Variants in H1-0 observed in about 807,000 individuals in gnomAD.
The protein encoded by H1-0 is histone H1.0.
In H1-0, 5 loss-of-function variants were observed where a neutral mutation model predicts 8.8. The observed-to-expected ratio is 0.57, with a 90% CI of 0.30 to 1.19. The LOEUF (loss-of-function observed/expected upper bound fraction) is 1.19, where lower values mean the gene tolerates loss of function less well. H1-0 is among the 50% of genes most tolerant of loss of function. The pLI is 0.08. For synonymous variants in H1-0, 143 were observed against 101.4 expected, an observed-to-expected ratio of 1.41 and a Z score of -2.46; for missense variants, 231 against 242.0, an observed-to-expected ratio of 0.95 and a Z score of 0.30.
rs1202830963 is a variant in H1-0 at position 37,805,472 on chromosome 22, A to G, written c.-73A>G. Reference sequence around the variant, plus strand: ...GGGGCTCAGGAGCAGATCCCGAGGCAGGCTTTGCTCAGCCTCCGACGAGGG... The same window carrying G: ...GGGGCTCAGGAGCAGATCCCGAGGCGGGCTTTGCTCAGCCTCCGACGAGGG... On this transcript the variant is annotated 5_prime_UTR_variant, in exon 1 of 1. Coordinates refer to ENST00000340857, the MANE Select transcript of H1-0 (RefSeq NM_005318.4). 6 of 1,123,710 alleles carry G rather than the reference A, an allele frequency of 5.3e-6. No homozygotes were observed. Among genetic ancestry groups the G allele is most frequent in the Non-Finnish European group, 7.8e-6 (6 of 772,440 alleles). The allele number at this position is 1,123,710 out of a possible 1,614,324, so 69.6% of individuals were successfully genotyped here. A position where few individuals can be genotyped will look rare whatever the true frequency, so the allele number is the denominator to read the frequency against.
In H1-0 at chr22:37,805,910, G is replaced by A. The variant is rs537383969; in HGVS notation, c.366G>A (p.Lys122=). The change falls in exon 1 of 1, where the codon AAG becomes AAA. Residue 122 remains lysine (K), a synonymous_variant. Coordinates refer to ENST00000340857, the MANE Select transcript of H1-0 (RefSeq NM_005318.4). The part of the protein sequence containing the change: ...KEIKKVATPK[K]ASKPKKAASK... The stretch of plus-strand genomic sequence containing the variant: ...TCAAGAAGGTAGCCACGCCAAAGAA[G>A]GCATCCAAGCCCAAGAAGGCTGCCT... 1.3e-4 allele frequency: 213 copies of A among 1,614,036 alleles called. 1 individual carries two copies. The East Asian group carries it at 3.9e-3, about 29-fold the overall frequency.
Position 37,805,844 on chromosome 22 carries a change from A to T in H1-0, c.300A>T (p.Glu100Asp). 1 of 1,613,984 alleles carries T rather than the reference A, an allele frequency of 6.2e-7. No individual in the cohort carries two copies. Among genetic ancestry groups the T allele is most frequent in the Non-Finnish European group, 8.5e-7 (1 of 1,180,026 alleles). ...SGSFRLAKSD[E>D]PKKSVAFKKT... is the part of the protein sequence containing the mutation. ...CCTTCCGGCTAGCCAAGAGCGACGAACCCAAGAAGTCAGTGGCCTTCAAGA... is the reference window on the plus strand; with the variant it reads ...CCTTCCGGCTAGCCAAGAGCGACGATCCCAAGAAGTCAGTGGCCTTCAAGA... The change falls in exon 1 of 1, where the codon GAA (glutamate) becomes GAT (aspartate). Residue 100 changes from glutamate to aspartate, a missense_variant. Glu to Asp is a conservative substitution (Grantham distance 45, BLOSUM62 2). Coordinates refer to ENST00000340857, the MANE Select transcript of H1-0 (RefSeq NM_005318.4).
chr22:37,805,513 G>A lies in H1-0; in HGVS notation c.-32G>A, dbSNP rs754933444. 1 of 1,531,114 alleles carries A rather than the reference G, an allele frequency of 6.5e-7. No individual in the cohort carries two copies. The highest frequency in any genetic ancestry group is 2.3e-5 in the East Asian group (1 of 44,306). The allele number at this position is 1,531,114 out of a possible 1,614,324, so 94.8% of individuals were successfully genotyped here. A position where few individuals can be genotyped will look rare whatever the true frequency, so the allele number is the denominator to read the frequency against. ...CCGACGAGGGCTGGCCCTTTGGAAG[G>A]CGCCTTCAACAGCCGGACCAGACAG... On this transcript the variant is annotated 5_prime_UTR_variant, in exon 1 of 1. Coordinates refer to ENST00000340857, the MANE Select transcript of H1-0 (RefSeq NM_005318.4).
rs1920983881 is a variant in H1-0 at position 37,805,939 on chromosome 22, A to G, written c.395A>G (p.Lys132Arg). The part of the protein sequence containing the change: ...KASKPKKAAS[K>R]APTKKPKATP... ...TCCAAGCCCAAGAAGGCTGCCTCCA[A>G]AGCCCCAACCAAGAAACCCAAAGCC... The change falls in exon 1 of 1, where the codon AAA becomes AGA. Residue 132 changes from lysine (K) to arginine (R), a missense_variant. Physicochemically the swap from Lys to Arg is conservative, Grantham distance 26. Coordinates refer to ENST00000340857, the MANE Select transcript of H1-0 (RefSeq NM_005318.4). 3 of 1,614,066 alleles carry G rather than the reference A, an allele frequency of 1.9e-6. No homozygotes were observed.
In H1-0 at chr22:37,806,138, T is replaced by G; in HGVS notation, c.*9T>G. On this transcript the variant is annotated 3_prime_UTR_variant, in exon 1 of 1. Coordinates refer to ENST00000340857, the MANE Select transcript of H1-0 (RefSeq NM_005318.4). The stretch of plus-strand genomic sequence containing the variant: ...CCGGCAAGAAGAAGTGACAATGAAG[T>G]CTTTTCTTGCGGACACTCCCTCCTG... The G allele has an allele frequency of 6.3e-7, 1 of 1,589,826 alleles. No individual in the cohort carries two copies.
At position 37,805,650 on chromosome 22, in the gene H1-0, A is replaced by G. The variant is rs1920980160; in HGVS notation, c.106A>G (p.Ile36Val). ...GTATTCAGACATGATCGTGGCTGCC[A>G]TCCAGGCCGAGAAGAACCGCGCTGG... Reference protein sequence around the residue: ...PKYSDMIVAAIQAEKNRAGSS... With the variant: ...PKYSDMIVAAVQAEKNRAGSS... The change falls in exon 1 of 1, where the codon ATC (isoleucine) becomes GTC (valine). Residue 36 changes from isoleucine (I) to valine (V), a missense_variant. Physicochemically the swap from Ile to Val is conservative, Grantham distance 29. Coordinates refer to ENST00000340857, the MANE Select transcript of H1-0 (RefSeq NM_005318.4). The G allele has an allele frequency of 1.2e-6, 2 of 1,614,156 alleles. No homozygotes were observed. Among genetic ancestry groups the G allele is most frequent in the Admixed American group, 3.3e-5 (2 of 60,030 alleles).
rs1920982887 is a variant in H1-0 at position 37,805,896 on chromosome 22, G to T, written c.352G>T (p.Ala118Ser). The T allele has an allele frequency of 6.2e-7, 1 of 1,614,062 alleles. No homozygotes were observed. Among genetic ancestry groups the T allele is most frequent in the East Asian group, 2.2e-5 (1 of 44,882 alleles). ...GACCAAGAAGGAAATCAAGAAGGTA[G>T]CCACGCCAAAGAAGGCATCCAAGCC... ...KKTKKEIKKV[A>S]TPKKASKPKK... The change falls in exon 1 of 1, where the codon GCC becomes TCC. Residue 118 changes from alanine to serine, a missense_variant. By Grantham distance (99) the Ala-to-Ser change is moderately conservative. Coordinates refer to ENST00000340857, the MANE Select transcript of H1-0 (RefSeq NM_005318.4).
In H1-0 at chr22:37,805,414, C is replaced by T. The variant is rs1265343067; in HGVS notation, c.-131C>T. 15 of 641,446 alleles carry T rather than the reference C, an allele frequency of 2.3e-5. No homozygotes were observed. Among genetic ancestry groups the T allele is most frequent in the South Asian group, 2.2e-4 (11 of 50,410 alleles). The allele number at this position is 641,446 out of a possible 1,614,324, so 39.7% of individuals were successfully genotyped here. On this transcript the variant is annotated 5_prime_UTR_variant, in exon 1 of 1. Coordinates refer to ENST00000340857, the MANE Select transcript of H1-0 (RefSeq NM_005318.4). Reference sequence around the variant, plus strand: ...AGCAGCGACTCCTCGCTCGCATCCCCGGGAGCCGCACTCCAGACTGGCCCG... The same window carrying T: ...AGCAGCGACTCCTCGCTCGCATCCCTGGGAGCCGCACTCCAGACTGGCCCG...
rs1920987330 is a variant in H1-0, at chr22:37,806,034, A to G, written c.490A>G (p.Lys164Glu). Residue 164 changes from lysine (K) to glutamate (E), a missense_variant, in exon 1 of 1, where the codon AAA becomes GAA. By Grantham distance (56) the Lys-to-Glu change is moderately conservative. Transcript: ENST00000340857. ...GAAAGCCAAAAAACCCAAGACTGTC[A>G]AAGCCAAGCCGGTCAAGGCATCCAA... is the stretch of plus-strand genomic sequence containing the variant. ...PKKAKKPKTV[K>E]AKPVKASKPK... is the part of the protein sequence containing the mutation. 1.2e-6 allele frequency: 2 copies of G among 1,614,094 alleles called. No individual in the cohort carries two copies. The highest frequency in any genetic ancestry group is 1.7e-6 in the Non-Finnish European group (2 of 1,180,002).
chr22:37,806,060 G>C lies in H1-0; in HGVS notation c.516G>C (p.Lys172Asn). The change falls in exon 1 of 1, where the codon AAG becomes AAC. Residue 172 changes from lysine to asparagine, a missense_variant. Physicochemically the swap from Lys to Asn is moderately conservative, Grantham distance 94. Coordinates refer to ENST00000340857, the MANE Select transcript of H1-0 (RefSeq NM_005318.4). ...AAGCCAAGCCGGTCAAGGCATCCAA[G>C]CCCAAAAAGGCCAAACCAGTGAAAC... The part of the protein sequence containing the change: ...TVKAKPVKAS[K>N]PKKAKPVKPK... The C allele has an allele frequency of 6.2e-7, 1 of 1,614,130 alleles. No individual in the cohort carries two copies. Among genetic ancestry groups the C allele is most frequent in the Non-Finnish European group, 8.5e-7 (1 of 1,180,024 alleles).
At position 37,805,353 on chromosome 22, in the gene H1-0, C is replaced by G; in HGVS notation, c.-192C>G. 1.8e-6 allele frequency: 1 copy of G among 551,256 alleles called. No individual in the cohort carries two copies. Among genetic ancestry groups the G allele is most frequent in the Non-Finnish European group, 3.2e-6 (1 of 312,664 alleles). 34.1% of individuals were successfully genotyped at this position (551,256 alleles called of 1,614,324 possible). A position where few individuals can be genotyped will look rare whatever the true frequency, so the allele number is the denominator to read the frequency against. The stretch of plus-strand genomic sequence containing the variant: ...GGGGCTGGGCCTCGCAAAGCCGGCT[C>G]GGCGAGCTCTCCCGACACCCGAGCC... On this transcript the variant is annotated 5_prime_UTR_variant, in exon 1 of 1. Coordinates refer to ENST00000340857, the MANE Select transcript of H1-0 (RefSeq NM_005318.4).
chr22:37,805,522 A>G lies in H1-0; in HGVS notation c.-23A>G, dbSNP rs1367711812. 1 of 1,582,086 alleles carries G rather than the reference A, an allele frequency of 6.3e-7. No individual in the cohort carries two copies. The highest frequency in any genetic ancestry group is 8.6e-7 in the Non-Finnish European group (1 of 1,160,740). On this transcript the variant is annotated 5_prime_UTR_variant, in exon 1 of 1. Coordinates refer to ENST00000340857, the MANE Select transcript of H1-0 (RefSeq NM_005318.4). ...GCTGGCCCTTTGGAAGGCGCCTTCA[A>G]CAGCCGGACCAGACAGGCCACCATG...
In H1-0 at chr22:37,806,045, G is replaced by A. The variant is rs558616379; in HGVS notation, c.501G>A (p.Pro167=). The change falls in exon 1 of 1, where the codon CCG becomes CCA. Residue 167 remains proline (P), a synonymous_variant. Transcript: ENST00000340857. ...AACCCAAGACTGTCAAAGCCAAGCC[G>A]GTCAAGGCATCCAAGCCCAAAAAGG... is the stretch of plus-strand genomic sequence containing the variant. ...AKKPKTVKAK[P]VKASKPKKAK... The A allele has an allele frequency of 3.1e-6, 5 of 1,613,916 alleles. No individual in the cohort carries two copies. Among genetic ancestry groups the A allele is most frequent in the Non-Finnish European group, 4.2e-6 (5 of 1,180,014 alleles).
At position 37,805,734 on chromosome 22, in the gene H1-0, G is replaced by A; in HGVS notation, c.190G>A (p.Ala64Thr). 1 of 1,614,120 alleles carries A rather than the reference G, an allele frequency of 6.2e-7. No homozygotes were observed. ...IKSHYKVGEN[A>T]DSQIKLSIKR... is the part of the protein sequence containing the mutation. ...GAGCCACTACAAGGTGGGTGAGAAC[G>A]CTGACTCGCAGATCAAGTTGTCCAT... The change falls in exon 1 of 1, where the codon GCT becomes ACT. Residue 64 changes from alanine to threonine, a missense_variant. Coordinates refer to ENST00000340857, the MANE Select transcript of H1-0 (RefSeq NM_005318.4).
rs1259135991 is a variant in H1-0 at position 37,806,514 on chromosome 22, G to C, written c.*385G>C. On this transcript the variant is annotated 3_prime_UTR_variant, in exon 1 of 1. Coordinates refer to ENST00000340857, the MANE Select transcript of H1-0 (RefSeq NM_005318.4). ...AGGGAACCCAGGAATTGTGAGGTTA[G>C]CAGGAATATCTTTAGGGTGAGTGAG... 2 of 224,668 alleles carry C rather than the reference G, an allele frequency of 8.9e-6. No individual in the cohort carries two copies. Among genetic ancestry groups the C allele is most frequent in the Non-Finnish European group, 1.9e-5 (2 of 103,634 alleles). The allele number at this position is 224,668 out of a possible 1,614,324, so 13.9% of individuals were successfully genotyped here. A position where few individuals can be genotyped will look rare whatever the true frequency, so the allele number is the denominator to read the frequency against.
At position 37,805,590 on chromosome 22, in the gene H1-0, G is replaced by T. The variant is rs1920979329; in HGVS notation, c.46G>T (p.Ala16Ser). The T allele has an allele frequency of 1.2e-6, 2 of 1,614,086 alleles. No individual in the cohort carries two copies. Among genetic ancestry groups the T allele is most frequent in the Non-Finnish European group, 1.7e-6 (2 of 1,179,980 alleles). The change falls in exon 1 of 1, where the codon GCC becomes TCC. Residue 16 changes from alanine to serine, a missense_variant. Ala to Ser is a moderately conservative substitution (Grantham distance 99). Coordinates refer to ENST00000340857, the MANE Select transcript of H1-0 (RefSeq NM_005318.4). ...CGCCCCTGCGGCCAAGCCCAAGCGGGCCAAGGCCTCCAAGAAGTCCACAGA... is the reference window on the plus strand; with the variant it reads ...CGCCCCTGCGGCCAAGCCCAAGCGGTCCAAGGCCTCCAAGAAGTCCACAGA... Reference protein sequence around the residue: ...TSAPAAKPKRAKASKKSTDHP... With the variant: ...TSAPAAKPKRSKASKKSTDHP...
In H1-0 at chr22:37,805,631, A is replaced by G; in HGVS notation, c.87A>G (p.Ser29=). 3 of 1,614,160 alleles carry G rather than the reference A, an allele frequency of 1.9e-6. No homozygotes were observed. Among genetic ancestry groups the G allele is most frequent in the Non-Finnish European group, 1.7e-6 (2 of 1,179,994 alleles). The change falls in exon 1 of 1, where the codon TCA becomes TCG. Residue 29 remains serine, a synonymous_variant. Transcript: ENST00000340857. Reference sequence around the variant, plus strand: ...AGTCCACAGACCACCCCAAGTATTCAGACATGATCGTGGCTGCCATCCAGG... The same window carrying G: ...AGTCCACAGACCACCCCAAGTATTCGGACATGATCGTGGCTGCCATCCAGG... ...SKKSTDHPKY[S]DMIVAAIQAE...
At position 37,805,703 on chromosome 22, in the gene H1-0, T is replaced by C. The variant is rs1323960250; in HGVS notation, c.159T>C (p.Tyr53=). ...CCTCGCGCCAGTCCATTCAGAAGTATATCAAGAGCCACTACAAGGTGGGTG... is the reference window on the plus strand; with the variant it reads ...CCTCGCGCCAGTCCATTCAGAAGTACATCAAGAGCCACTACAAGGTGGGTG... ...AGSSRQSIQK[Y]IKSHYKVGEN... Residue 53 remains tyrosine, a synonymous_variant, in exon 1 of 1, where the codon TAT becomes TAC. Transcript: ENST00000340857. 6.2e-7 allele frequency: 1 copy of C among 1,613,846 alleles called. No homozygotes were observed. The highest frequency in any genetic ancestry group is 1.7e-5 in the Admixed American group (1 of 59,972).
In H1-0 at chr22:37,807,403, A is replaced by G. The variant is rs1367262693; in HGVS notation, c.*1274A>G. The G allele has an allele frequency of 6.3e-6, 1 of 159,360 alleles. No individual in the cohort carries two copies. The allele number at this position is 159,360 out of a possible 1,614,324, so 9.9% of individuals were successfully genotyped here. Reference sequence around the variant, plus strand: ...AATTTTGCTGTCTTTGTAATTTTAAAACTTTAAAATAAATTGGAAAAGGGA... The same window carrying G: ...AATTTTGCTGTCTTTGTAATTTTAAGACTTTAAAATAAATTGGAAAAGGGA... On this transcript the variant is annotated 3_prime_UTR_variant, in exon 1 of 1. Coordinates refer to ENST00000340857, the MANE Select transcript of H1-0 (RefSeq NM_005318.4).
Sources: allele counts gnomAD v4.1 joint callset, GRCh38; gene constraint gnomAD v4.1.1; transcripts MANE v1.5; gene names NCBI Gene and HGNC (gene_info 2026-07-23, HGNC 2026-07-21).